Variants in REEP3 observed in about 807,000 individuals in gnomAD.
REEP3 encodes receptor accessory protein 3, also known as receptor expression-enhancing protein 3.
REEP3 carries 20 observed loss-of-function variants against 41.3 expected under a neutral mutation model. That is an observed-to-expected ratio of 0.48 (90% CI 0.34 to 0.70). The LOEUF (loss-of-function observed/expected upper bound fraction) is 0.70. REEP3 is among the 30% of genes least tolerant of loss of function. The pLI is 0.01. For synonymous variants in REEP3, 104 were observed against 101.8 expected (o/e 1.02, Z -0.13); for missense variants, 271 against 308.8 (o/e 0.88, Z 0.92).
At chr10:63,584,532 C>T (rs1321060266) in intron 2 of REEP3, among the ~76,000 whole-genome samples, 2 of 151,586 alleles carry the variant, frequency 1.3e-5, no homozygotes, top group Non-Finnish European at 2.9e-5. Context: ...CTTGGCACAG[C>T]TCTGAGAAAA....
At chr10:63,535,908 A>C (rs888244877) in intron 1 of REEP3, among the ~76,000 whole-genome samples, 1 of 152,246 alleles carries the variant, frequency 6.6e-6, no homozygotes, top group African/African-American at 2.4e-5. Flanking sequence ...AGGTAGGAGA[A>C]TATCACAATT....
chr10:63,619,677 C>A lies in REEP3; in HGVS notation c.588C>A (p.Asp196Glu). 5.6e-6 allele frequency: 9 copies of A among 1,603,120 alleles called. No homozygotes were observed. The highest frequency in any genetic ancestry group is 7.7e-6 in the Non-Finnish European group (9 of 1,174,640). ...TAGGTTATGGAATTCCACTGAAAGACGGAGATGAGAAAACAGATGAAGAAG... is the reference window on the plus strand; with the variant it reads ...TAGGTTATGGAATTCCACTGAAAGAAGGAGATGAGAAAACAGATGAAGAAG... Reference protein sequence around the residue: ...ESAGYGIPLKDGDEKTDEEAE... With the variant: ...ESAGYGIPLKEGDEKTDEEAE... Residue 196 changes from aspartate (D) to glutamate (E), a missense_variant, in exon 7 of 8, where the codon GAC becomes GAA. Asp to Glu is a conservative substitution (Grantham distance 45). Coordinates refer to ENST00000373758, the MANE Select transcript of REEP3 (RefSeq NM_001001330.3).
intron 5 of REEP3, among the ~76,000 whole-genome samples, chr10:63,603,270 G>A (rs12248738): frequency 0.035 from 4,311 of 123,168 alleles, 197 homozygotes; most frequent in African/African-American, 0.12. Flanking sequence ...CCGAGATCGC[G>A]CCACTGCACT....
chr10:63,551,684 T>C (rs1171615971), intron 1 of REEP3, among the ~76,000 whole-genome samples: 4 of 152,072 alleles, frequency 2.6e-5, no homozygotes, highest in Non-Finnish European at 2.9e-5. Flanking sequence ...CTCAAAACTA[T>C]CAAGGCTATC....
intron 4 of REEP3, among the ~76,000 whole-genome samples, chr10:63,598,483 C>CA (rs59559921): frequency 0.71 from 46,424 of 65,724 alleles, 15,940 homozygotes; most frequent in South Asian, 0.8. Flanking sequence ...GACTCCATCT[C>CA]AAAAAAAAAA....
chr10:63,610,475 C>G, intron 6 of REEP3, 141 bp downstream of exon 6: 2 of 755,872 alleles, frequency 2.6e-6, no homozygotes, highest in Non-Finnish European at 4.1e-6. Flanking sequence ...GGGCTTAAAA[C>G]CTAGATGATG....
intron 2 of REEP3, among the ~76,000 whole-genome samples, chr10:63,580,122 CGTTGTTGTTGTT>C (rs532934741): frequency 1.3e-5 from 2 of 151,438 alleles, no homozygotes; most frequent in African/African-American, 2.4e-5. Flanking sequence ...AGCTGGTTTT[CGTTGTTGTTGTT>C]GTTGTTGTTG....
chr10:63,527,827 T>C (rs1047352237), intron 1 of REEP3, among the ~76,000 whole-genome samples: 7 of 152,210 alleles, frequency 4.6e-5, no homozygotes, highest in Non-Finnish European at 5.9e-5. Context: ...CTCAGATCAA[T>C]AGTGACCGCC....
At chr10:63,606,013 G>A (rs547096900) in intron 5 of REEP3, 4 of 418,260 alleles carry the variant, frequency 9.6e-6, no homozygotes, top group East Asian at 3.2e-4. Flanking sequence ...TTCTGCTCAC[G>A]ATGATCAGTT....
chr10:63,534,918 A>G (rs1223922830), intron 1 of REEP3, among the ~76,000 whole-genome samples: 1 of 152,210 alleles, frequency 6.6e-6, no homozygotes, highest in African/African-American at 2.4e-5. Context: ...GAAAGCAGTC[A>G]GTTTTTCCTT....
At chr10:63,545,062 A>G (rs961537713) in intron 1 of REEP3, among the ~76,000 whole-genome samples, 3 of 152,166 alleles carry the variant, frequency 2.0e-5, no homozygotes, top group Non-Finnish European at 4.4e-5. Flanking sequence ...TGGCTATCTT[A>G]TTTTTTAATA....
At chr10:63,527,162 C>T (rs995411396) in intron 1 of REEP3, among the ~76,000 whole-genome samples, 6 of 152,192 alleles carry the variant, frequency 3.9e-5, no homozygotes, top group African/African-American at 1.4e-4. Flanking sequence ...TGGATGTCTT[C>T]AAAGGCTAAA....
intron 2 of REEP3, among the ~76,000 whole-genome samples, chr10:63,594,102 G>A (rs1956090239): frequency 6.6e-6 from 1 of 151,724 alleles, no homozygotes; most frequent in Non-Finnish European, 1.5e-5. Context: ...CTAAGGCCAG[G>A]CATGGTGGCT....
At chr10:63,568,269 G>GTT (rs1228299728) in intron 2 of REEP3, among the ~76,000 whole-genome samples, 10 of 138,286 alleles carry the variant, frequency 7.2e-5, no homozygotes, top group Non-Finnish European at 7.9e-5. Flanking sequence ...ATCCTTGTTT[G>GTT]TTTTTTTTTT....
chr10:63,552,261 AT>A (rs1386947090), intron 1 of REEP3, among the ~76,000 whole-genome samples: 2 of 151,780 alleles, frequency 1.3e-5, no homozygotes, highest in Non-Finnish European at 1.5e-5. Flanking sequence ...AAAAAAAAAA[AT>A]TAGCTGGGTG....
chr10:63,568,351 C>G (rs1156890932), intron 2 of REEP3, among the ~76,000 whole-genome samples: 1 of 151,474 alleles, frequency 6.6e-6, no homozygotes, highest in African/African-American at 2.4e-5. Context: ...ACTGGAAGCT[C>G]TACCTCCCGG....
chr10:63,588,361 T>A (rs1409907494), intron 2 of REEP3, among the ~76,000 whole-genome samples: 1 of 152,230 alleles, frequency 6.6e-6, no homozygotes, highest in Non-Finnish European at 1.5e-5. Context: ...TTGAATCTCA[T>A]TATCTCTCCA....
At position 63,622,935 on chromosome 10, in the gene REEP3, G is replaced by C. The variant is rs1956366087; in HGVS notation, c.*2066G>C. On this transcript the variant is annotated 3_prime_UTR_variant, in exon 8 of 8. Coordinates refer to ENST00000373758, the MANE Select transcript of REEP3 (RefSeq NM_001001330.3). ...TTGCCCAGGATGGTCTCCATCTCTTGACCTCGTGATCCGCCCGCCTCGGCC... is the reference window on the plus strand; with the variant it reads ...TTGCCCAGGATGGTCTCCATCTCTTCACCTCGTGATCCGCCCGCCTCGGCC... 1 of 152,104 alleles carries C rather than the reference G, an allele frequency of 6.6e-6. No homozygotes were observed. The highest frequency in any genetic ancestry group is 6.5e-5 in the Admixed American group (1 of 15,270). 9.4% of individuals were successfully genotyped at this position (152,104 alleles called of 1,614,324 possible).
At chr10:63,592,982 A>G (rs1321557502) in intron 2 of REEP3, among the ~76,000 whole-genome samples, 4 of 151,310 alleles carry the variant, frequency 2.6e-5, no homozygotes, top group Non-Finnish European at 5.9e-5. Context: ...GACTGAGGGA[A>G]TGAACTCATA....
Sources: gnomAD v4.1 joint callset for allele counts (sites outside exome capture counted in the v4.1 genomes callset) on GRCh38, gnomAD v4.1.1 for gene constraint, MANE v1.5 for transcripts, NCBI Gene and HGNC (gene_info 2026-07-23, HGNC 2026-07-21) for gene names.